The following EIF3D variants were observed in gnomAD, a reference collection of about 807,000 sequenced individuals.
The protein encoded by EIF3D is eukaryotic translation initiation factor 3 subunit D.
In EIF3D, 10 loss-of-function variants were observed where a neutral mutation model predicts 75.4. The ratio of observed to expected loss-of-function variants is 0.13; its 90% CI spans 0.08 to 0.22. The LOEUF is 0.22. EIF3D is among the 10% of genes least tolerant of loss of function. The pLI is 1.00. For missense variants in EIF3D, 394 were observed against 708.0 expected, an observed-to-expected ratio of 0.56 and a Z score of 5.03; for synonymous variants, 246 against 248.3, an observed-to-expected ratio of 0.99 and a Z score of 0.09.
In EIF3D at chr22:36,519,394, G is replaced by A; in HGVS notation, c.711+11C>T. The A allele has an allele frequency of 6.2e-7, 1 of 1,613,994 alleles. No homozygotes were observed. Among genetic ancestry groups the A allele is most frequent in the Non-Finnish European group, 8.5e-7 (1 of 1,179,918 alleles). On this transcript the variant is annotated intron_variant, in intron 8 of 14. Transcript: ENST00000216190. Reference sequence around the variant, plus strand: ...CTAACAAGGGGGAGAGGGGCAGAAGGAGGCGCACACCTTGCGGATGACAGG... The same window carrying A: ...CTAACAAGGGGGAGAGGGGCAGAAGAAGGCGCACACCTTGCGGATGACAGG...
intron 1 of EIF3D, among the ~76,000 whole-genome samples, chr22:36,526,533 C>G (rs762064301): frequency 1.3e-5 from 2 of 151,868 alleles, no homozygotes; most frequent in Non-Finnish European, 2.9e-5. Context: ...ATATAGTAAC[C>G]TTGTTTTGGT....
At chr22:36,524,172 C>T (rs149044977) in intron 4 of EIF3D, among the ~76,000 whole-genome samples, 192 bp from the exon 5 acceptor site, 1 of 152,096 alleles carries the variant, frequency 6.6e-6, no homozygotes, top group East Asian at 1.9e-4. Flanking sequence ...TTGCTTAGAC[C>T]TATACTCCCA....
chr22:36,527,184 T>C (rs6000295), intron 1 of EIF3D, among the ~76,000 whole-genome samples: 130,556 of 152,226 alleles, frequency 0.86, 56,679 homozygotes, highest in African/African-American at 0.96. Context: ...TAAATGTTCA[T>C]GAATACTGCC....
At chr22:36,522,156 C>A (rs1934523891) in intron 6 of EIF3D, among the ~76,000 whole-genome samples, 1 of 152,060 alleles carries the variant, frequency 6.6e-6, no homozygotes, top group South Asian at 2.1e-4. Flanking sequence ...GAGTTTGAGA[C>A]CAGCCTGGGG....
chr22:36,516,298 C>G, intron 12 of EIF3D, 180 bp downstream of exon 12: 1 of 684,838 alleles, frequency 1.5e-6, no homozygotes, highest in Non-Finnish European at 2.4e-6. Flanking sequence ...CAGTCATGCT[C>G]TTTCTCAGCA....
chr22:36,516,523 T>A lies in EIF3D; in HGVS notation c.1161A>T (p.Glu387Asp), dbSNP rs773353912. ...GTGTCTTGATGTTGATGAAGGACAC[T>A]TCCCCGTTGGCTCCAGTCATGACGC... is the stretch of plus-strand genomic sequence containing the variant. ...HDGVMTGANG[E>D]VSFINIKTLN... The change falls in exon 12 of 15, where the codon GAA becomes GAT. Residue 387 changes from glutamate to aspartate, a missense_variant. Coordinates refer to ENST00000216190, the MANE Select transcript of EIF3D (RefSeq NM_003753.4). The A allele has an allele frequency of 6.2e-7, 1 of 1,614,216 alleles. No homozygotes were observed. The highest frequency in any genetic ancestry group is 1.3e-5 in the African/African-American group (1 of 75,054).
At chr22:36,512,039 C>T (rs1018318537) in intron 13 of EIF3D, among the ~76,000 whole-genome samples, 24 of 152,132 alleles carry the variant, frequency 1.6e-4, no homozygotes, top group South Asian at 1.0e-3. Context: ...TACAGGCGCC[C>T]GCCACTACGC....
intron 10 of EIF3D, 24 bp downstream of exon 10, chr22:36,517,277 A>G: frequency 1.2e-6 from 2 of 1,613,468 alleles, no homozygotes; most frequent in Non-Finnish European, 8.5e-7. Context: ...GAATGAATCA[A>G]TGCCCAGAGA....
chr22:36,525,839 G>T, intron 2 of EIF3D, 130 bp from the exon 3 acceptor site: 1 of 1,440,382 alleles, frequency 6.9e-7, no homozygotes, highest in Non-Finnish European at 9.5e-7. Flanking sequence ...CTCTGTAAGT[G>T]CCCAGCTCTT....
intron 9 of EIF3D, among the ~76,000 whole-genome samples, chr22:36,517,684 G>A (rs1407890285): frequency 1.3e-5 from 2 of 152,096 alleles, no homozygotes; most frequent in Non-Finnish European, 2.9e-5. Flanking sequence ...CAGTCGTTTT[G>A]GATTCCTCAA....
intron 12 of EIF3D, among the ~76,000 whole-genome samples, chr22:36,515,153 T>C (rs1392281616): frequency 6.6e-6 from 1 of 152,220 alleles, no homozygotes; most frequent in Non-Finnish European, 1.5e-5. Flanking sequence ...GGCATTTCTT[T>C]ACAGCAGTGT....
Position 36,512,611 on chromosome 22 carries a change from G to A in EIF3D, c.1207-9C>T, listed in dbSNP as rs200712281. The stretch of plus-strand genomic sequence containing the variant: ...TCAACGCCATTACAGTGCTGCAGGA[G>A]AGCCCCGTTAGAGAAACAGAAGCAA... On this transcript the variant is annotated splice_polypyrimidine_tract_variant and intron_variant, in intron 12 of 14. Transcript: ENST00000216190. 3.1e-6 allele frequency: 5 copies of A among 1,608,080 alleles called. No individual in the cohort carries two copies. The African/African-American group carries it at 4.0e-5, about 13-fold the overall frequency.
intron 2 of EIF3D, 110 bp downstream of exon 2, chr22:36,525,889 C>A: frequency 6.7e-7 from 1 of 1,502,560 alleles, no homozygotes; most frequent in South Asian, 1.3e-5. Flanking sequence ...CAGCTGGCAT[C>A]CCTATAAGAA....
At position 36,529,139 on chromosome 22, in the gene EIF3D, C is replaced by A. The variant is rs549902335; in HGVS notation, c.-74G>T. The A allele has an allele frequency of 1.0e-5, 4 of 396,428 alleles. No individual in the cohort carries two copies. Among genetic ancestry groups the A allele is most frequent in the South Asian group, 1.4e-4 (1 of 7,262 alleles). The allele number at this position is 396,428 out of a possible 1,614,324, so 24.6% of individuals were successfully genotyped here. On this transcript the variant is annotated 5_prime_UTR_variant, in exon 1 of 15. Transcript: ENST00000216190. ...TGCGTGCCGGGGACCGCGTTAGCAGCAGCACTCTTGAGAAACCAGGAAAAG... is the reference window on the plus strand; with the variant it reads ...TGCGTGCCGGGGACCGCGTTAGCAGAAGCACTCTTGAGAAACCAGGAAAAG...
intron 6 of EIF3D, 89 bp downstream of exon 6, chr22:36,523,120 G>A: frequency 3.8e-6 from 4 of 1,056,310 alleles, no homozygotes; most frequent in Non-Finnish European, 5.9e-6. Flanking sequence ...TGTACGGTAT[G>A]TGAAGTATAT....
chr22:36,519,369 C>G (rs773696574), intron 8 of EIF3D, 36 bp downstream of exon 8: 2 of 1,611,974 alleles, frequency 1.2e-6, no homozygotes, highest in South Asian at 2.2e-5. Context: ...GACAGCATTC[C>G]TAACAAGGGG....
chr22:36,518,814 GGAC>G lies in EIF3D; in HGVS notation c.805_807del (p.Val269del). The G allele has an allele frequency of 1.9e-6, 3 of 1,614,194 alleles. No homozygotes were observed. The highest frequency in any genetic ancestry group is 2.2e-5 in the East Asian group (1 of 44,884). The stretch of plus-strand genomic sequence containing the variant: ...AAGAAGAGTTTGGACCCAACTCTCT[GGAC>G]GACAATATCCCAGGAATACACTGAG... On this transcript the variant is annotated inframe_deletion, in exon 9 of 15. Coordinates refer to ENST00000216190, the MANE Select transcript of EIF3D (RefSeq NM_003753.4).
At chr22:36,516,355 A>G (rs1934426420) in intron 12 of EIF3D, 123 bp downstream of exon 12, 1 of 1,237,704 alleles carries the variant, frequency 8.1e-7, no homozygotes, top group African/African-American at 1.5e-5. Flanking sequence ...AAAAACATCC[A>G]GGTAGCTCTA....
chr22:36,525,986 G>A lies in EIF3D; in HGVS notation c.123+13C>T. On this transcript the variant is annotated intron_variant, in intron 2 of 14. Coordinates refer to ENST00000216190, the MANE Select transcript of EIF3D (RefSeq NM_003753.4). ...AGCTGCAAAGATTCAGACTCCTGCT[G>A]ACAGGCATGTACCTTTCCTAGCCGA... is the stretch of plus-strand genomic sequence containing the variant. The A allele has an allele frequency of 6.3e-7, 1 of 1,597,430 alleles. No individual in the cohort carries two copies. Among genetic ancestry groups the A allele is most frequent in the South Asian group, 1.1e-5 (1 of 88,802 alleles).
Sources: allele counts gnomAD v4.1 joint callset (sites outside exome capture counted in the v4.1 genomes callset), GRCh38; gene constraint gnomAD v4.1.1; transcripts MANE v1.5; gene names NCBI Gene and HGNC (gene_info 2026-07-23, HGNC 2026-07-21).